MACROD2: variants seen among roughly 807,000 people sequenced by gnomAD.
MACROD2 encodes ADP-ribose glycohydrolase MACROD2.
Under a neutral mutation model 70.4 loss-of-function variants are expected in MACROD2, and 36 were observed. The ratio of observed to expected loss-of-function variants is 0.51; its 90% CI spans 0.39 to 0.68. MACROD2 has a LOEUF of 0.68. Among genes scored for constraint, MACROD2 ranks in the 30% least tolerant of loss-of-function variants. The pLI is 0.00. For synonymous variants in MACROD2, 172 were observed against 178.8 expected, an observed-to-expected ratio of 0.96 and a Z score of 0.30; for missense variants, 496 against 538.4, an observed-to-expected ratio of 0.92 and a Z score of 0.78.
At chr20:15,956,853 A>G (rs1433857471) in intron 12 of MACROD2, among the ~76,000 whole-genome samples, 1 of 152,208 alleles carries the variant, frequency 6.6e-6, no homozygotes, top group Non-Finnish European at 1.5e-5. Flanking sequence ...GACAGAGTAT[A>G]GGAGAGCGGT....
At chr20:14,116,020 T>G (rs2054509245) in intron 3 of MACROD2, among the ~76,000 whole-genome samples, 1 of 152,154 alleles carries the variant, frequency 6.6e-6, no homozygotes, top group Non-Finnish European at 1.5e-5. Context: ...TGCATTGTGA[T>G]AGAATTGATG....
rs900517974 is a variant in MACROD2, at chr20:14,886,593, G to A, written c.418+201634G>A. Reference sequence around the variant, plus strand: ...TATAACTTGGTTCTATCCCTTACTAGTATCTCATTTCTGGGAGGAGAGGAC... The same window carrying A: ...TATAACTTGGTTCTATCCCTTACTAATATCTCATTTCTGGGAGGAGAGGAC... On this transcript the variant is annotated intron_variant, in intron 5 of 17. Coordinates refer to ENST00000684519, the MANE Select transcript of MACROD2 (RefSeq NM_001351661.2). 7.9e-5 allele frequency among the ~76,000 whole-genome samples: 12 copies of A among 152,084 alleles called. 1 individual carries two copies. Among genetic ancestry groups the A allele is most frequent in the Admixed American group, 6.6e-4 (10 of 15,264 alleles).
At chr20:15,936,447 A>G (rs1256123553) in intron 11 of MACROD2, among the ~76,000 whole-genome samples, 1 of 148,238 alleles carries the variant, frequency 6.7e-6, no homozygotes, top group Non-Finnish European at 1.5e-5. Context: ...ATGTATATGT[A>G]TACTATATAT....
intron 3 of MACROD2, among the ~76,000 whole-genome samples, chr20:14,178,525 A>G (rs1384522468): frequency 6.6e-6 from 1 of 152,144 alleles, no homozygotes; most frequent in Admixed American, 6.5e-5. Context: ...TGAGAAAAAC[A>G]TATACAGGAG....
chr20:14,295,349 G>T (rs746456051), intron 3 of MACROD2, among the ~76,000 whole-genome samples: 1 of 151,948 alleles, frequency 6.6e-6, no homozygotes, highest in South Asian at 2.1e-4. Flanking sequence ...GCAGACAACA[G>T]GCAATGTAGG....
chr20:14,012,162 G>C (rs7352548), intron 2 of MACROD2, among the ~76,000 whole-genome samples: 97,709 of 151,982 alleles, frequency 0.64, 32,052 homozygotes, highest in South Asian at 0.76. Flanking sequence ...CCTCCTCTGC[G>C]TCCCAAAGTG....
intron 6 of MACROD2, among the ~76,000 whole-genome samples, chr20:15,230,987 C>T (rs2076954735): frequency 6.6e-6 from 1 of 152,004 alleles, no homozygotes; most frequent in Non-Finnish European, 1.5e-5. Context: ...ATCAGCATTG[C>T]TTGATAGTTC....
At chr20:15,352,444 T>G (rs926700634) in intron 6 of MACROD2, among the ~76,000 whole-genome samples, 1 of 152,022 alleles carries the variant, frequency 6.6e-6, no homozygotes, top group Non-Finnish European at 1.5e-5. Context: ...TCAAAATATC[T>G]ATATATATAT....
At chr20:14,507,585 ATGAC>A (rs1174620288) in intron 4 of MACROD2, among the ~76,000 whole-genome samples, 2 of 152,224 alleles carry the variant, frequency 1.3e-5, no homozygotes, top group Admixed American at 1.3e-4. Flanking sequence ...AATAGAAACT[ATGAC>A]TGAGTGTCTC....
intron 3 of MACROD2, among the ~76,000 whole-genome samples, chr20:14,486,207 T>C (rs900136611): frequency 6.6e-6 from 1 of 152,130 alleles, no homozygotes; most frequent in African/African-American, 2.4e-5. Context: ...GGGGAGGATG[T>C]CAGAACCCAG....
intron 8 of MACROD2, among the ~76,000 whole-genome samples, chr20:15,503,969 A>G (rs1458356587): frequency 2.0e-5 from 3 of 152,184 alleles, no homozygotes; most frequent in Admixed American, 6.5e-5. Context: ...TGTGGCTATC[A>G]TTCCCCATAA....
chr20:14,745,388 T>C (rs1269772825), intron 5 of MACROD2, among the ~76,000 whole-genome samples: 6 of 152,178 alleles, frequency 3.9e-5, no homozygotes, highest in Non-Finnish European at 1.5e-5. Flanking sequence ...CCACCTAACA[T>C]GTTTTAATGC....
intron 8 of MACROD2, among the ~76,000 whole-genome samples, chr20:15,683,348 C>G (rs577881319): frequency 6.6e-6 from 1 of 152,294 alleles, no homozygotes; most frequent in East Asian, 1.9e-4. Flanking sequence ...TGTTCAATCT[C>G]TCTTTTTTTT....
intron 5 of MACROD2, among the ~76,000 whole-genome samples, chr20:14,740,524 A>C (rs1330888436): frequency 1.3e-5 from 2 of 152,170 alleles, no homozygotes; most frequent in East Asian, 3.9e-4. Context: ...CAGTAATTTA[A>C]ATTAAACTAT....
intron 12 of MACROD2, among the ~76,000 whole-genome samples, chr20:15,945,369 A>G (rs186415898): frequency 4.6e-4 from 70 of 152,342 alleles, no homozygotes; most frequent in Non-Finnish European, 8.5e-4. Context: ...TTTAAAGCTC[A>G]CATGATAATC....
At chr20:14,300,271 C>G (rs751800617) in intron 3 of MACROD2, among the ~76,000 whole-genome samples, 1 of 152,206 alleles carries the variant, frequency 6.6e-6, no homozygotes, top group Non-Finnish European at 1.5e-5. Flanking sequence ...TGCATACTTG[C>G]ATTAGCTCAT....
At chr20:15,850,946 A>T (rs556808548) in intron 8 of MACROD2, among the ~76,000 whole-genome samples, 1 of 152,124 alleles carries the variant, frequency 6.6e-6, no homozygotes, top group South Asian at 2.1e-4. Context: ...TCCTGAAATT[A>T]CTAGTAAGCA....
chr20:14,089,158 G>T (rs2054117779), intron 3 of MACROD2, among the ~76,000 whole-genome samples: 1 of 152,192 alleles, frequency 6.6e-6, no homozygotes, highest in South Asian at 2.1e-4. Context: ...TGGTTGTGAT[G>T]ATTGTAATTT....
intron 4 of MACROD2, among the ~76,000 whole-genome samples, chr20:14,510,227 A>C (rs1248329565): frequency 6.6e-6 from 1 of 152,090 alleles, no homozygotes; most frequent in Admixed American, 6.6e-5. Flanking sequence ...GGTCAGATTA[A>C]AAGCAGTTTT....
Sources: allele counts gnomAD v4.1 joint callset (sites outside exome capture counted in the v4.1 genomes callset), GRCh38; gene constraint gnomAD v4.1.1; transcripts MANE v1.5; gene names NCBI Gene and HGNC (gene_info 2026-07-23, HGNC 2026-07-21).